Variants in INO80 observed in about 807,000 individuals in gnomAD.
The protein encoded by INO80 is chromatin-remodeling ATPase INO80.
A neutral mutation model predicts 203.4 loss-of-function variants in INO80; 20 were observed. The ratio of observed to expected loss-of-function variants is 0.10; its 90% CI spans 0.07 to 0.14. The LOEUF (loss-of-function observed/expected upper bound fraction) is 0.14. Among genes scored for constraint, INO80 ranks in the 10% least tolerant of loss-of-function variants. The pLI, the probability that INO80 is intolerant of heterozygous loss-of-function variation, is 1.00. For missense variants in INO80, 1,419 were observed against 1,914.4 expected (o/e 0.74, Z 4.83); for synonymous variants, 726 against 685.2 (o/e 1.06, Z -0.93).
At chr15:41,043,460 T>C (rs1005838816) in intron 24 of INO80, among the ~76,000 whole-genome samples, 7 of 152,262 alleles carry the variant, frequency 4.6e-5, no homozygotes, top group Admixed American at 2.6e-4. Context: ...CCAATTACAT[T>C]AATTTGCATT....
At chr15:41,103,705 T>C (rs1475479041) in intron 1 of INO80, among the ~76,000 whole-genome samples, 1 of 152,148 alleles carries the variant, frequency 6.6e-6, no homozygotes, top group East Asian at 1.9e-4. Context: ...TTCATCATTC[T>C]GATTATGCCA....
intron 13 of INO80, 119 bp downstream of exon 13, chr15:41,070,348 C>G (rs1220111646): frequency 1.1e-5 from 10 of 890,802 alleles, no homozygotes; most frequent in Non-Finnish European, 1.7e-5. Flanking sequence ...AGGCAAGAAC[C>G]CAGTCCCACT....
At chr15:40,998,983 TACACACAC>T (rs10650860) in intron 28 of INO80, among the ~76,000 whole-genome samples, 66 of 140,438 alleles carry the variant, frequency 4.7e-4, no homozygotes, top group African/African-American at 1.5e-3. Flanking sequence ...AAGATTTATC[TACACACAC>T]ACACACACAC....
chr15:41,097,767 C>T (rs1394330872), intron 1 of INO80, among the ~76,000 whole-genome samples: 1 of 152,028 alleles, frequency 6.6e-6, no homozygotes, highest in Non-Finnish European at 1.5e-5. Context: ...AGCCACTGTA[C>T]CCAGCCTAAA....
intron 12 of INO80, among the ~76,000 whole-genome samples, 182 bp downstream of exon 12, chr15:41,071,661 ATGTTGG>A (rs1411671317): frequency 4.5e-4 from 64 of 143,098 alleles, no homozygotes; most frequent in African/African-American, 1.8e-3. Context: ...GGGTTTCACC[ATGTTGG>A]TCAGGCTGGT....
At chr15:40,980,799 TTTC>T (rs1397120626) in intron 35 of INO80, among the ~76,000 whole-genome samples, 3 of 152,296 alleles carry the variant, frequency 2.0e-5, no homozygotes, top group East Asian at 3.9e-4. Flanking sequence ...AGGTTTTTCC[TTTC>T]TTCTTTCTTG....
chr15:41,051,261 G>A (rs1051364879), intron 19 of INO80, among the ~76,000 whole-genome samples: 4 of 151,292 alleles, frequency 2.6e-5, no homozygotes, highest in Non-Finnish European at 4.4e-5. Flanking sequence ...TGCATATTTC[G>A]ATGTTACTCT....
At chr15:41,047,022 C>A (rs2044779862) in intron 23 of INO80, among the ~76,000 whole-genome samples, 1 of 151,450 alleles carries the variant, frequency 6.6e-6, no homozygotes, top group Admixed American at 6.6e-5. Flanking sequence ...GGCTGGAGTG[C>A]AATGGCATGA....
In INO80 at chr15:40,979,845, C is replaced by G; in HGVS notation, c.*378G>C. Reference sequence around the variant, plus strand: ...CTACCATGGAAGGCTCTTCACAGCACCTGCGGAGACTTTGCAAGGGACGTG... The same window carrying G: ...CTACCATGGAAGGCTCTTCACAGCAGCTGCGGAGACTTTGCAAGGGACGTG... On this transcript the variant is annotated 3_prime_UTR_variant, in exon 36 of 36. Coordinates refer to ENST00000648947, the MANE Select transcript of INO80 (RefSeq NM_017553.3). The G allele has an allele frequency of 3.8e-6, 1 of 260,048 alleles. No homozygotes were observed. Among genetic ancestry groups the G allele is most frequent in the Non-Finnish European group, 7.6e-6 (1 of 132,302 alleles). 16.1% of individuals were successfully genotyped at this position (260,048 alleles called of 1,614,324 possible).
At chr15:41,064,919 C>A (rs1330033991) in intron 14 of INO80, among the ~76,000 whole-genome samples, 1 of 151,938 alleles carries the variant, frequency 6.6e-6, no homozygotes, top group East Asian at 1.9e-4. Flanking sequence ...ACTGCTTGAA[C>A]CCGGAGGAGG....
chr15:41,048,108 T>C, intron 22 of INO80, 104 bp downstream of exon 22: 6 of 798,290 alleles, frequency 7.5e-6, no homozygotes, highest in South Asian at 3.4e-5. Flanking sequence ...GGGCCTACCA[T>C]ATAGGCAAAA....
rs1416600643 is a variant in INO80, at chr15:41,027,678, T to C, written c.2966A>G (p.His989Arg). The change falls in exon 25 of 36, where the codon CAT becomes CGT. Residue 989 changes from histidine (H) to arginine (R), a missense_variant. By Grantham distance (29) the His-to-Arg change is conservative. Transcript: ENST00000648947. ...CGAGGAGGTAGCTGATCTCCGCTGA[T>C]GGACAACCTGGTCTGAGTAGCCACT... ...AVSGYSDQVV[H>R]QRRSATSSLR... The C allele has an allele frequency of 6.2e-7, 1 of 1,613,812 alleles. No individual in the cohort carries two copies. Among genetic ancestry groups the C allele is most frequent in the South Asian group, 1.1e-5 (1 of 91,046 alleles).
At chr15:41,019,980 G>T (rs191976494) in intron 26 of INO80, among the ~76,000 whole-genome samples, 267 of 152,314 alleles carry the variant, frequency 1.8e-3, no homozygotes, top group Middle Eastern at 0.01. Flanking sequence ...CCAGCACTTT[G>T]GGAGGCTGAG....
intron 24 of INO80, among the ~76,000 whole-genome samples, chr15:41,039,553 G>GT (rs2044636719): frequency 6.6e-6 from 1 of 152,108 alleles, no homozygotes; most frequent in Non-Finnish European, 1.5e-5. Context: ...CATTAATTAC[G>GT]TATGTTTCTC....
intron 30 of INO80, 78 bp from the exon 31 acceptor site, chr15:40,987,271 G>A (rs543890229): frequency 4.1e-5 from 35 of 856,894 alleles, no homozygotes; most frequent in South Asian, 3.0e-4. Context: ...GATACACATC[G>A]TTCTCAACCC....
intron 1 of INO80, among the ~76,000 whole-genome samples, chr15:41,106,112 G>A (rs1383879792): frequency 6.6e-6 from 1 of 152,036 alleles, no homozygotes; most frequent in East Asian, 1.9e-4. Context: ...AGAAAACTTT[G>A]GCCAACCGCA....
rs1034953607 is a variant in INO80 at position 41,055,442 on chromosome 15, T to C, written c.2071-78A>G. On this transcript the variant is annotated intron_variant, in intron 17 of 35. Transcript: ENST00000648947. ...GTAAGGATGTATTAGATAGAGAAAA[T>C]TGCAGGTGTATTAGTGTGTAAGTGC... The C allele has an allele frequency of 1.1e-5, 10 of 895,750 alleles. No homozygotes were observed. The African/African-American group carries it at 1.2e-4, about 10-fold the overall frequency. The allele number at this position is 895,750 out of a possible 1,614,324, so 55.5% of individuals were successfully genotyped here.
rs1434605390 is a variant in INO80 at position 41,096,232 on chromosome 15, T to C, written c.79A>G (p.Arg27Gly). Reference sequence around the variant, plus strand: ...AGAAAATGGTCCAACCGGAGGGCCCTCTCCAAGTACTGAAGATAGAGGGGC... The same window carrying C: ...AGAAAATGGTCCAACCGGAGGGCCCCCTCCAAGTACTGAAGATAGAGGGGC... ...AKPLYLQYLE[R>G]ALRLDHFLRQ... Residue 27 changes from arginine (R) to glycine (G), a missense_variant, in exon 2 of 36, where the codon AGG becomes GGG. Arg to Gly is a moderately radical substitution (Grantham distance 125). Coordinates refer to ENST00000648947, the MANE Select transcript of INO80 (RefSeq NM_017553.3). The C allele has an allele frequency of 6.2e-7, 1 of 1,613,142 alleles. No homozygotes were observed. The highest frequency in any genetic ancestry group is 1.3e-5 in the African/African-American group (1 of 74,870).
intron 14 of INO80, among the ~76,000 whole-genome samples, chr15:41,065,944 T>C (rs2045204396): frequency 6.6e-6 from 1 of 151,864 alleles, no homozygotes; most frequent in African/African-American, 2.4e-5. Context: ...ACAGCAGTGA[T>C]GGTTACACAA....
Sources: allele counts gnomAD v4.1 joint callset (sites outside exome capture counted in the v4.1 genomes callset), GRCh38; gene constraint gnomAD v4.1.1; transcripts MANE v1.5; gene names NCBI Gene and HGNC (gene_info 2026-07-23, HGNC 2026-07-21).